The following LYPD6 variants were observed in gnomAD, a reference collection of about 807,000 sequenced individuals.
LYPD6 encodes the protein ly6/PLAUR domain-containing protein 6.
A neutral mutation model predicts 22.7 loss-of-function variants in LYPD6; 15 were observed. The ratio of observed to expected loss-of-function variants is 0.66; its 90% CI spans 0.44 to 1.02. The LOEUF (loss-of-function observed/expected upper bound fraction) is 1.02, where lower values mean the gene tolerates loss of function less well. Among genes scored for constraint, LYPD6 ranks in the 50% least tolerant of loss-of-function variants. The pLI is 0.00. For missense variants in LYPD6, 189 were observed against 208.4 expected (o/e 0.91, Z 0.57); for synonymous variants, 72 against 77.5 (o/e 0.93, Z 0.37).
intron 1 of LYPD6, among the ~76,000 whole-genome samples, chr2:149,352,586 G>T (rs1681378506): frequency 6.6e-6 from 1 of 152,166 alleles, no homozygotes; most frequent in African/African-American, 2.4e-5. Context: ...TAGAGCAGGG[G>T]TCAGTCAAAT....
intron 1 of LYPD6, among the ~76,000 whole-genome samples, chr2:149,415,872 G>A (rs1268095013): frequency 2.0e-5 from 3 of 152,002 alleles, no homozygotes; most frequent in Admixed American, 6.5e-5. Flanking sequence ...TAGAGATGGG[G>A]TTTCTCTTCA....
At position 149,466,445 on chromosome 2, in the gene LYPD6, C is replaced by T. The variant is rs141966765; in HGVS notation, c.218-2200C>T. Reference sequence around the variant, plus strand: ...ATATATTTTTGTTTCATGGATTGGACTGGGTGAAGTACAAGAAAAAATTCT... The same window carrying T: ...ATATATTTTTGTTTCATGGATTGGATTGGGTGAAGTACAAGAAAAAATTCT... On this transcript the variant is annotated intron_variant, in intron 3 of 4. Transcript: ENST00000334166. Among the ~76,000 whole-genome samples, 1,345 of 152,196 alleles carry T rather than the reference C, an allele frequency of 8.8e-3. 15 individuals are homozygous for T. Among genetic ancestry groups the T allele is most frequent in the African/African-American group, 0.031 (1,290 of 41,530 alleles).
chr2:149,332,568 C>T (rs1179832172), intron 1 of LYPD6, among the ~76,000 whole-genome samples: 1 of 152,200 alleles, frequency 6.6e-6, no homozygotes, highest in African/African-American at 2.4e-5. Context: ...GATGAAACAA[C>T]TGAGGCTTTC....
chr2:149,361,512 T>TC (rs1426102297), intron 1 of LYPD6, among the ~76,000 whole-genome samples: 1 of 152,198 alleles, frequency 6.6e-6, no homozygotes, highest in Non-Finnish European at 1.5e-5. Context: ...CACATCACTT[T>TC]CTTTGAGTCC....
intron 1 of LYPD6, among the ~76,000 whole-genome samples, chr2:149,337,849 C>T (rs1452409690): frequency 6.6e-6 from 1 of 152,128 alleles, no homozygotes; most frequent in East Asian, 1.9e-4. Flanking sequence ...CACGTGTTCT[C>T]AATGTTTAGC....
At chr2:149,330,510 G>T (rs939362603), upstream of LYPD6, 4 of 149,200 alleles carry the variant, frequency 2.7e-5, no homozygotes, top group African/African-American at 7.3e-5. Context: ...GCGGCTGCGG[G>T]CGGCGGCCAG....
At chr2:149,346,141 C>A (rs938986983) in intron 1 of LYPD6, among the ~76,000 whole-genome samples, 1 of 152,076 alleles carries the variant, frequency 6.6e-6, no homozygotes, top group African/African-American at 2.4e-5. Flanking sequence ...CACTTTTATT[C>A]CAGTAATGTA....
chr2:149,483,755 AATT>A, the LYPD6 span, among the ~76,000 whole-genome samples: 14 of 152,230 alleles, frequency 9.2e-5, no homozygotes, highest in African/African-American at 2.2e-4. Context: ...TAAATTATAC[AATT>A]ATTATTTGTC....
At chr2:149,391,983 A>C (rs766690948) in intron 1 of LYPD6, among the ~76,000 whole-genome samples, 5 of 152,172 alleles carry the variant, frequency 3.3e-5, no homozygotes, top group African/African-American at 7.2e-5. Flanking sequence ...CATACAACAG[A>C]CATTTATTTT....
chr2:149,484,881 T>C, the LYPD6 span, among the ~76,000 whole-genome samples: 1 of 152,156 alleles, frequency 6.6e-6, no homozygotes. Flanking sequence ...TCTAAGGATA[T>C]CTTTAGTACT....
At chr2:149,442,375 G>T (rs1265168428) in intron 2 of LYPD6, among the ~76,000 whole-genome samples, 1 of 152,162 alleles carries the variant, frequency 6.6e-6, no homozygotes, top group Non-Finnish European at 1.5e-5. Flanking sequence ...AACTATGGCT[G>T]ACCATGAGAG....
intron 2 of LYPD6, among the ~76,000 whole-genome samples, chr2:149,444,809 A>G (rs1288783483): frequency 6.6e-6 from 1 of 152,216 alleles, no homozygotes; most frequent in Non-Finnish European, 1.5e-5. Flanking sequence ...TGTTGAAATC[A>G]AAGTCATCTG....
chr2:149,444,937 A>G (rs541435513), intron 2 of LYPD6, among the ~76,000 whole-genome samples: 1 of 152,308 alleles, frequency 6.6e-6, no homozygotes, highest in African/African-American at 2.4e-5. Flanking sequence ...AGGGTTTTTA[A>G]TTTACTTTGC....
intron 1 of LYPD6, among the ~76,000 whole-genome samples, chr2:149,429,094 T>C (rs1329182703): frequency 6.6e-6 from 1 of 152,132 alleles, no homozygotes; most frequent in Non-Finnish European, 1.5e-5. Context: ...GGGAAACCAA[T>C]ACCTCCCACA....
At chr2:149,410,805 G>A (rs967278889) in intron 1 of LYPD6, among the ~76,000 whole-genome samples, 8 of 152,160 alleles carry the variant, frequency 5.3e-5, no homozygotes, top group Non-Finnish European at 1.0e-4. Context: ...CAGGTGATGT[G>A]TAATACATTT....
intron 1 of LYPD6, among the ~76,000 whole-genome samples, chr2:149,404,213 C>T (rs371746402): frequency 2.0e-5 from 3 of 152,078 alleles, no homozygotes; most frequent in African/African-American, 4.8e-5. Context: ...CTTGGCGATG[C>T]GGGCTCTTTT....
chr2:149,419,352 A>G (rs1466297817), intron 1 of LYPD6, among the ~76,000 whole-genome samples: 1 of 151,710 alleles, frequency 6.6e-6, no homozygotes, highest in African/African-American at 2.4e-5. Flanking sequence ...TCTTCACCCT[A>G]CTCCTAATTG....
intron 1 of LYPD6, among the ~76,000 whole-genome samples, chr2:149,409,899 G>C (rs1222783160): frequency 6.6e-6 from 1 of 152,130 alleles, no homozygotes; most frequent in Non-Finnish European, 1.5e-5. Context: ...CAGCATCTTA[G>C]GGGGCCTGCA....
chr2:149,362,583 G>A (rs1243935869), intron 1 of LYPD6, among the ~76,000 whole-genome samples: 1 of 152,110 alleles, frequency 6.6e-6, no homozygotes, highest in Non-Finnish European at 1.5e-5. Flanking sequence ...AACAATATAA[G>A]TTTACTTGTT....
Sources: gnomAD v4.1 joint callset for allele counts (sites outside exome capture counted in the v4.1 genomes callset) on GRCh38, gnomAD v4.1.1 for gene constraint, MANE v1.5 for transcripts, NCBI Gene and HGNC (gene_info 2026-07-23, HGNC 2026-07-21) for gene names.